MACROD2: variants seen among roughly 807,000 people sequenced by gnomAD.
MACROD2 encodes ADP-ribose glycohydrolase MACROD2.
In MACROD2, 36 loss-of-function variants were observed where a neutral mutation model predicts 70.4. The ratio of observed to expected loss-of-function variants is 0.51; its 90% CI spans 0.39 to 0.68. The LOEUF (loss-of-function observed/expected upper bound fraction) is 0.68, where lower values mean the gene tolerates loss of function less well. Among genes scored for constraint, MACROD2 ranks in the 30% least tolerant of loss-of-function variants. MACROD2 has a pLI of 0.00. For synonymous variants in MACROD2, 172 were observed against 178.8 expected, an observed-to-expected ratio of 0.96 and a Z score of 0.30; for missense variants, 496 against 538.4, an observed-to-expected ratio of 0.92 and a Z score of 0.78.
chr20:15,926,674 G>A (rs2065494066), intron 10 of MACROD2, among the ~76,000 whole-genome samples: 1 of 152,192 alleles, frequency 6.6e-6, no homozygotes, highest in African/African-American at 2.4e-5. Context: ...AGGAGCTGGA[G>A]AGAAAGCACT....
At chr20:15,668,996 G>C (rs904545327) in intron 8 of MACROD2, among the ~76,000 whole-genome samples, 3 of 152,098 alleles carry the variant, frequency 2.0e-5, no homozygotes, top group Admixed American at 2.0e-4. Flanking sequence ...ACACATAAAC[G>C]TTAAAAACCC....
chr20:15,160,354 CA>C (rs2145873934), intron 5 of MACROD2, among the ~76,000 whole-genome samples: 1 of 152,184 alleles, frequency 6.6e-6, no homozygotes, highest in South Asian at 2.1e-4. Context: ...CTGTAGACAA[CA>C]ATTCCAAAGT....
chr20:15,391,673 T>C (rs1273065749), intron 6 of MACROD2, among the ~76,000 whole-genome samples: 1 of 152,224 alleles, frequency 6.6e-6, no homozygotes, highest in Non-Finnish European at 1.5e-5. Flanking sequence ...ATTTCTTCTT[T>C]ATTTTCTCTG....
At chr20:15,823,059 T>C (rs1179248180) in intron 8 of MACROD2, among the ~76,000 whole-genome samples, 1 of 152,210 alleles carries the variant, frequency 6.6e-6, no homozygotes, top group Admixed American at 6.5e-5. Flanking sequence ...AGACAATCAT[T>C]CCTCTTCTAA....
At chr20:14,439,440 A>C (rs2122953058) in intron 3 of MACROD2, among the ~76,000 whole-genome samples, 1 of 152,256 alleles carries the variant, frequency 6.6e-6, no homozygotes, top group South Asian at 2.1e-4. Context: ...AACCACACTG[A>C]GTTATTGAAA....
intron 3 of MACROD2, among the ~76,000 whole-genome samples, chr20:14,466,946 T>G (rs1186957360): frequency 6.6e-6 from 1 of 152,150 alleles, no homozygotes; most frequent in Non-Finnish European, 1.5e-5. Flanking sequence ...CCGCCCCTAC[T>G]CGGGGGTGCC....
chr20:15,228,487 C>CTTTTTTTTTTTTTTTTTTTTTTT (rs527508760), intron 5 of MACROD2, among the ~76,000 whole-genome samples: 1 of 118,010 alleles, frequency 8.5e-6, no homozygotes. Flanking sequence ...TTCCTTCTTT[C>CTTTTTTTTTTTTTTTTTTTTTTT]TTTTTTTTTT....
At chr20:14,768,643 G>A (rs911205511) in intron 5 of MACROD2, among the ~76,000 whole-genome samples, 3 of 151,898 alleles carry the variant, frequency 2.0e-5, no homozygotes, top group South Asian at 2.1e-4. Context: ...TTGAGATGGA[G>A]TCTCGCTCTG....
chr20:15,756,717 C>G (rs2051353462), intron 8 of MACROD2, among the ~76,000 whole-genome samples: 1 of 152,170 alleles, frequency 6.6e-6, no homozygotes, highest in South Asian at 2.1e-4. Context: ...AAGGAAAAAC[C>G]TGCAACCATT....
intron 4 of MACROD2, among the ~76,000 whole-genome samples, chr20:14,683,163 G>A (rs891715972): frequency 6.6e-6 from 1 of 152,188 alleles, no homozygotes; most frequent in African/African-American, 2.4e-5. Context: ...ACAGGCATGA[G>A]CCACTGTGCC....
chr20:14,303,763 C>T (rs1196465385), intron 3 of MACROD2, among the ~76,000 whole-genome samples: 1 of 152,102 alleles, frequency 6.6e-6, no homozygotes, highest in Non-Finnish European at 1.5e-5. Context: ...CTGTGTCTTC[C>T]AACCCACAGC....
chr20:15,830,859 T>A (rs1437812314), intron 8 of MACROD2, among the ~76,000 whole-genome samples: 1 of 152,246 alleles, frequency 6.6e-6, no homozygotes, highest in East Asian at 1.9e-4. Flanking sequence ...TTATGTGTTA[T>A]AGATATGTAG....
intron 7 of MACROD2, among the ~76,000 whole-genome samples, chr20:15,451,214 G>A (rs1012049273): frequency 7.2e-5 from 11 of 151,894 alleles, no homozygotes; most frequent in Non-Finnish European, 1.2e-4. Context: ...GGGAGTCAGA[G>A]GTATGCTTCT....
chr20:14,603,571 G>A (rs1276502080), intron 4 of MACROD2, among the ~76,000 whole-genome samples: 1 of 152,132 alleles, frequency 6.6e-6, no homozygotes, highest in Non-Finnish European at 1.5e-5. Context: ...TAATTATAAA[G>A]GAAGGATGGT....
chr20:15,928,089 A>T (rs1252829194), intron 10 of MACROD2, among the ~76,000 whole-genome samples: 1 of 152,246 alleles, frequency 6.6e-6, no homozygotes, highest in Non-Finnish European at 1.5e-5. Flanking sequence ...AATGTCATCT[A>T]TGTTAATCTT....
intron 8 of MACROD2, among the ~76,000 whole-genome samples, chr20:15,837,855 G>C (rs2064131062): frequency 6.6e-6 from 1 of 152,048 alleles, no homozygotes; most frequent in Non-Finnish European, 1.5e-5. Flanking sequence ...TTTGTAATTT[G>C]AATCTCATGC....
At chr20:15,723,126 A>G (rs1365462669) in intron 8 of MACROD2, among the ~76,000 whole-genome samples, 1 of 152,096 alleles carries the variant, frequency 6.6e-6, no homozygotes, top group Non-Finnish European at 1.5e-5. Flanking sequence ...AAAAGAAAAA[A>G]CTTTATTTTT....
intron 6 of MACROD2, among the ~76,000 whole-genome samples, chr20:15,239,053 A>G (rs1267860142): frequency 3.3e-5 from 5 of 152,208 alleles, no homozygotes; most frequent in Admixed American, 6.5e-5. Flanking sequence ...AATTGAAGAC[A>G]CGGACCACAG....
chr20:14,882,900 C>T (rs1487240902), intron 5 of MACROD2, among the ~76,000 whole-genome samples: 1 of 152,088 alleles, frequency 6.6e-6, no homozygotes, highest in Admixed American at 6.6e-5. Flanking sequence ...GAAACAATTC[C>T]ACCAATGCTG....
Sources: gnomAD v4.1 joint callset for allele counts (sites outside exome capture counted in the v4.1 genomes callset) on GRCh38, gnomAD v4.1.1 for gene constraint, MANE v1.5 for transcripts, NCBI Gene and HGNC (gene_info 2026-07-23, HGNC 2026-07-21) for gene names.